ZNF618: variants seen among roughly 807,000 people sequenced by gnomAD.
The protein encoded by ZNF618 is neural precursor cell expressed, developmentally down-regulated 10.
A neutral mutation model predicts 103.0 loss-of-function variants in ZNF618; 34 were observed. That is an observed-to-expected ratio of 0.33 (90% CI 0.25 to 0.44). The LOEUF is 0.44. ZNF618 is among the 20% of genes least tolerant of loss of function. ZNF618 has a pLI of 1.00. For missense variants in ZNF618, 1,059 were observed against 1,295.4 expected (o/e 0.82, Z 2.80); for synonymous variants, 551 against 542.2 (o/e 1.02, Z -0.23).
chr9:113,899,562 A>G (rs968057982), intron 1 of ZNF618, among the ~76,000 whole-genome samples: 1 of 152,202 alleles, frequency 6.6e-6, no homozygotes, highest in Admixed American at 6.5e-5. Flanking sequence ...AGGAGAATCT[A>G]ATGCCTGGTG....
At chr9:113,986,686 C>T (rs183107443) in intron 2 of ZNF618, among the ~76,000 whole-genome samples, 40 of 152,316 alleles carry the variant, frequency 2.6e-4, no homozygotes, top group Middle Eastern at 3.4e-3. Context: ...CAGATCCAGT[C>T]ACACTGGGGG....
At chr9:113,896,008 G>A (rs1830005733) in intron 1 of ZNF618, among the ~76,000 whole-genome samples, 2 of 151,940 alleles carry the variant, frequency 1.3e-5, no homozygotes, top group Admixed American at 1.3e-4. Flanking sequence ...TTTTAAGAAT[G>A]TCCTCTGTAT....
In ZNF618 at chr9:114,048,760, G is replaced by T; in HGVS notation, c.1458G>T (p.Val486=). 6.2e-7 allele frequency: 1 copy of T among 1,614,036 alleles called. No homozygotes were observed. The stretch of plus-strand genomic sequence containing the variant: ...GTGCCGACCTGGGTGCACTGAGCGT[G>T]GTCAGCGGGAAGGAGTTCCTGAAGT... The part of the protein sequence containing the change: ...VMCADLGALS[V]VSGKEFLKLA... Residue 486 remains valine, a synonymous_variant, in exon 15 of 15, where the codon GTG becomes GTT. Transcript: ENST00000374126.
intron 1 of ZNF618, among the ~76,000 whole-genome samples, chr9:113,954,480 T>C (rs140247883): frequency 3.3e-5 from 5 of 152,184 alleles, no homozygotes; most frequent in African/African-American, 1.2e-4. Context: ...ACTTCCAGAG[T>C]TCTTTAAACT....
At chr9:113,981,821 G>T (rs562221389) in intron 2 of ZNF618, among the ~76,000 whole-genome samples, 1 of 152,328 alleles carries the variant, frequency 6.6e-6, no homozygotes, top group South Asian at 2.1e-4. Context: ...TCCTTCACCT[G>T]TGTGCACTGA....
At chr9:114,002,573 T>C (rs1460308665) in intron 5 of ZNF618, 51 bp from the exon 6 acceptor site, 5 of 1,592,556 alleles carry the variant, frequency 3.1e-6, no homozygotes, top group Non-Finnish European at 3.4e-6. Context: ...GCACTGGCCC[T>C]GTCATTGGCC....
At chr9:114,025,503 C>T (rs569818929) in intron 10 of ZNF618, among the ~76,000 whole-genome samples, 3 of 151,792 alleles carry the variant, frequency 2.0e-5, no homozygotes, top group South Asian at 2.1e-4. Flanking sequence ...GTGTTTCCTA[C>T]AGGGGAAGTC....
Position 114,012,992 on chromosome 9 carries a change from A to G in ZNF618, c.755-3703A>G, listed in dbSNP as rs200270162. ...CTCAGTGACTTTTTAAAACTATAGGAAAAAAAAAAAACCTATATAAGCATT... is the reference window on the plus strand; with the variant it reads ...CTCAGTGACTTTTTAAAACTATAGGGAAAAAAAAAAACCTATATAAGCATT... On this transcript the variant is annotated intron_variant, in intron 9 of 14. Transcript: ENST00000374126. 0.034 allele frequency among the ~76,000 whole-genome samples: 2,388 copies of G among 69,532 alleles called. 115 individuals are homozygous for G. In the East Asian group the frequency reaches 0.48, roughly 14 times the overall value. The allele number at this position is 69,532 out of a possible 152,430, so 45.6% of individuals were successfully genotyped here. A position where few individuals can be genotyped will look rare whatever the true frequency, so the allele number is the denominator to read the frequency against.
chr9:114,020,851 T>G (rs2134020227), intron 10 of ZNF618, among the ~76,000 whole-genome samples: 1 of 152,184 alleles, frequency 6.6e-6, no homozygotes, highest in East Asian at 1.9e-4. Flanking sequence ...AAGAAATTAG[T>G]GAATATTTTT....
In ZNF618 at chr9:113,977,731, C is replaced by T. The variant is rs557864250; in HGVS notation, c.77+8571C>T. Among the ~76,000 whole-genome samples, 9 of 152,314 alleles carry T rather than the reference C, an allele frequency of 5.9e-5. No individual in the cohort carries two copies. In the South Asian group the frequency reaches 1.5e-3, roughly 25 times the overall value. On this transcript the variant is annotated intron_variant, in intron 2 of 14. Coordinates refer to ENST00000374126, the MANE Select transcript of ZNF618 (RefSeq NM_001318042.2). ...TGCCATTAACACTGCTTCTCCTTAA[C>T]GTCCTGGGCAACCTTCCACATGCCA...
intron 1 of ZNF618, among the ~76,000 whole-genome samples, chr9:113,900,326 T>G (rs1318271360): frequency 6.6e-6 from 1 of 152,168 alleles, no homozygotes; most frequent in African/African-American, 2.4e-5. Context: ...CCTCCCAAAG[T>G]GCTGGGATTA....
rs1845975974 is a variant in ZNF618 at position 114,049,682 on chromosome 9, G to A, written c.2380G>A (p.Glu794Lys). 6.2e-7 allele frequency: 1 copy of A among 1,613,716 alleles called. No homozygotes were observed. Among genetic ancestry groups the A allele is most frequent in the Non-Finnish European group, 8.5e-7 (1 of 1,179,914 alleles). The change falls in exon 15 of 15, where the codon GAG (glutamate) becomes AAG (lysine). Residue 794 changes from glutamate (E) to lysine (K), a missense_variant. By Grantham distance (56) the Glu-to-Lys change is moderately conservative. This residue lies in a region of ZNF618 where 272 missense variants were observed against 380.1 expected (regional missense o/e 0.72). Transcript: ENST00000374126. Reference sequence around the variant, plus strand: ...CCACCTCTTCCTGGAGGCGCTCAAGGAGAACTTCAAGGTGCACCCGGCCCA... The same window carrying A: ...CCACCTCTTCCTGGAGGCGCTCAAGAAGAACTTCAAGGTGCACCCGGCCCA... ...LCHLFLEALK[E>K]NFKVHPAHKV...
chr9:113,961,751 A>G (rs1053788685), intron 1 of ZNF618, among the ~76,000 whole-genome samples: 1 of 152,256 alleles, frequency 6.6e-6, no homozygotes, highest in East Asian at 1.9e-4. Context: ...TGTAACTTGC[A>G]AAGCTCTTTA....
chr9:113,899,105 C>T (rs1830288460), intron 1 of ZNF618, among the ~76,000 whole-genome samples: 2 of 152,002 alleles, frequency 1.3e-5, no homozygotes, highest in Admixed American at 6.6e-5. Context: ...GTGCATGACT[C>T]CTTTTCTAGA....
intron 1 of ZNF618, among the ~76,000 whole-genome samples, chr9:113,881,762 T>C (rs1828548854): frequency 6.6e-6 from 1 of 152,210 alleles, no homozygotes; most frequent in Non-Finnish European, 1.5e-5. Context: ...TCTCACATGC[T>C]CTGAGGCATT....
chr9:114,040,482 C>T (rs1005804206), intron 13 of ZNF618, among the ~76,000 whole-genome samples: 6 of 151,862 alleles, frequency 4.0e-5, no homozygotes, highest in Admixed American at 6.6e-5. Context: ...ATGCTATCCT[C>T]CCCCCACCCC....
intron 2 of ZNF618, among the ~76,000 whole-genome samples, chr9:113,969,548 C>T (rs1199686902): frequency 6.6e-6 from 1 of 152,210 alleles, no homozygotes; most frequent in African/African-American, 2.4e-5. Flanking sequence ...GTCATGTGCT[C>T]CTCTCTCTTC....
intron 1 of ZNF618, among the ~76,000 whole-genome samples, chr9:113,955,972 G>A (rs957597091): frequency 1.3e-5 from 2 of 152,068 alleles, no homozygotes; most frequent in African/African-American, 4.8e-5. Flanking sequence ...CACTTTGGGA[G>A]GCCGAAGCGG....
intron 1 of ZNF618, among the ~76,000 whole-genome samples, chr9:113,958,349 T>A (rs1836515386): frequency 6.6e-6 from 1 of 152,136 alleles, no homozygotes; most frequent in Non-Finnish European, 1.5e-5. Context: ...CTTATGGTAG[T>A]TGAGAACATT....
Sources: gnomAD v4.1 joint callset for allele counts (sites outside exome capture counted in the v4.1 genomes callset) on GRCh38, gnomAD v4.1.1 for gene constraint, gnomAD v4.1.1 regional missense constraint, MANE v1.5 for transcripts, NCBI Gene and HGNC (gene_info 2026-07-23, HGNC 2026-07-21) for gene names.